CAMK1D: variants seen among roughly 807,000 people sequenced by gnomAD.
CAMK1D encodes calcium/calmodulin-dependent protein kinase type 1D.
CAMK1D carries 9 observed loss-of-function variants against 47.7 expected under a neutral mutation model. The observed-to-expected ratio is 0.19, with a 90% CI of 0.11 to 0.33. The LOEUF (loss-of-function observed/expected upper bound fraction) is 0.33. CAMK1D is among the 10% of genes least tolerant of loss of function. The pLI, the probability that CAMK1D is intolerant of heterozygous loss-of-function variation, is 1.00. For missense variants in CAMK1D, 291 were observed against 488.7 expected (o/e 0.60, Z 3.81); for synonymous variants, 184 against 184.9 (o/e 0.99, Z 0.04).
At chr10:12,655,709 C>G (rs1840098262) in intron 2 of CAMK1D, among the ~76,000 whole-genome samples, 1 of 152,228 alleles carries the variant, frequency 6.6e-6, no homozygotes, top group Non-Finnish European at 1.5e-5. Flanking sequence ...TCAGCTGGAC[C>G]TCTAGAGCCA....
At chr10:12,398,232 A>G (rs955957653) in intron 1 of CAMK1D, among the ~76,000 whole-genome samples, 8 of 152,088 alleles carry the variant, frequency 5.3e-5, no homozygotes, top group African/African-American at 1.9e-4. Flanking sequence ...GTCATATTCT[A>G]TTCTCATAGA....
chr10:12,387,362 A>ATG, intron 1 of CAMK1D, among the ~76,000 whole-genome samples: 1 of 87,264 alleles, frequency 1.1e-5, no homozygotes, highest in East Asian at 2.9e-4. Flanking sequence ...TTTTATATAT[A>ATG]TAATATATAT....
chr10:12,559,548 C>T (rs535843464), intron 2 of CAMK1D, among the ~76,000 whole-genome samples: 8 of 152,150 alleles, frequency 5.3e-5, no homozygotes, highest in East Asian at 1.9e-4. Flanking sequence ...CAGATGTGTC[C>T]GCAGGCAGAA....
At chr10:12,784,788 C>T (rs1197855375) in intron 5 of CAMK1D, among the ~76,000 whole-genome samples, 2 of 152,166 alleles carry the variant, frequency 1.3e-5, no homozygotes, top group East Asian at 3.8e-4. Context: ...GTAGCCCAGT[C>T]GTGTGGAATT....
chr10:12,582,595 G>A (rs1837694526), intron 2 of CAMK1D, among the ~76,000 whole-genome samples: 1 of 152,096 alleles, frequency 6.6e-6, no homozygotes, highest in Non-Finnish European at 1.5e-5. Context: ...TACCTCCTTG[G>A]TTAGGTATAT....
intron 2 of CAMK1D, among the ~76,000 whole-genome samples, chr10:12,645,501 A>G (rs1353905717): frequency 2.6e-5 from 4 of 152,198 alleles, no homozygotes; most frequent in Non-Finnish European, 5.9e-5. Flanking sequence ...TCAGTAAAAC[A>G]ACGAGATGAA....
chr10:12,574,274 T>C (rs1837420570), intron 2 of CAMK1D, among the ~76,000 whole-genome samples: 1 of 151,556 alleles, frequency 6.6e-6, no homozygotes, highest in African/African-American at 2.4e-5. Flanking sequence ...TTTGCCTCCC[T>C]CCTTCCCTAG....
intron 1 of CAMK1D, among the ~76,000 whole-genome samples, chr10:12,542,362 C>T (rs1836224378): frequency 6.6e-6 from 1 of 152,212 alleles, no homozygotes; most frequent in African/African-American, 2.4e-5. Context: ...AAGTTAATAA[C>T]ACCATCAGTC....
At chr10:12,535,921 C>T (rs574783085) in intron 1 of CAMK1D, among the ~76,000 whole-genome samples, 2 of 152,198 alleles carry the variant, frequency 1.3e-5, no homozygotes, top group Non-Finnish European at 2.9e-5. Flanking sequence ...AGGACACAGG[C>T]TCAGAGGGGA....
chr10:12,787,132 AAAG>A (rs61193558), intron 5 of CAMK1D, among the ~76,000 whole-genome samples: 74,577 of 150,804 alleles, frequency 0.49, 18,859 homozygotes, highest in Non-Finnish European at 0.52. Flanking sequence ...CAAAGAAAAA[AAAG>A]AAGAAGAAGA....
chr10:12,421,089 A>G (rs1840033738), intron 1 of CAMK1D, among the ~76,000 whole-genome samples: 1 of 152,176 alleles, frequency 6.6e-6, no homozygotes, highest in African/African-American at 2.4e-5. Context: ...GACAGGCTGA[A>G]TGGCGTGGTG....
At position 12,417,068 on chromosome 10, in the gene CAMK1D, T is replaced by C. The variant is rs891114543; in HGVS notation, c.92+67158T>C. Among the ~76,000 whole-genome samples, 8 of 152,176 alleles carry C rather than the reference T, an allele frequency of 5.3e-5. No individual in the cohort carries two copies. In the East Asian group the frequency reaches 1.5e-3, roughly 29 times the overall value. On this transcript the variant is annotated intron_variant, in intron 1 of 10. Transcript: ENST00000619168. ...TCAAGCCCCCGAAGCCTCTCTGTCC[T>C]CATCTGTAAAATGGGGACAGTGGCA...
Position 12,665,089 on chromosome 10 carries a change from T to A in CAMK1D, c.225-1647T>A, listed in dbSNP as rs545735069. On this transcript the variant is annotated intron_variant, in intron 2 of 10. Transcript: ENST00000619168. ...GTTTCCTTGGTGGCATAGTTTATTT[T>A]CATATGCTGTATGGCTGGTAGTATC... 3.3e-5 allele frequency among the ~76,000 whole-genome samples: 5 copies of A among 152,334 alleles called. No individual in the cohort carries two copies. In the East Asian group the frequency reaches 9.6e-4, roughly 29 times the overall value.
chr10:12,588,883 TGC>T (rs1554793276), intron 2 of CAMK1D, among the ~76,000 whole-genome samples: 3,939 of 136,168 alleles, frequency 0.029, 45 homozygotes, highest in African/African-American at 0.036. Context: ...TGTGTGTGTG[TGC>T]GTGCGTGTGT....
chr10:12,365,384 C>G (rs528543531), intron 1 of CAMK1D, among the ~76,000 whole-genome samples: 14 of 152,204 alleles, frequency 9.2e-5, no homozygotes, highest in African/African-American at 3.4e-4. Flanking sequence ...TAGTAAAGAC[C>G]TCACATTAAT....
chr10:12,368,294 C>T (rs573538506), intron 1 of CAMK1D, among the ~76,000 whole-genome samples: 27 of 151,318 alleles, frequency 1.8e-4, no homozygotes, highest in African/African-American at 6.5e-4. Flanking sequence ...GCAGGAGGTT[C>T]ACTTGAGGTC....
intron 3 of CAMK1D, among the ~76,000 whole-genome samples, chr10:12,668,130 G>T (rs1212406045): frequency 6.6e-6 from 1 of 152,150 alleles, no homozygotes; most frequent in Middle Eastern, 3.4e-3. Context: ...CGTATTTCTG[G>T]TTTTTCCTAG....
intron 3 of CAMK1D, among the ~76,000 whole-genome samples, chr10:12,668,366 T>C (rs1429950734): frequency 1.3e-5 from 2 of 152,202 alleles, no homozygotes; most frequent in East Asian, 3.8e-4. Context: ...CTACTAATCC[T>C]CAATCTAAAG....
At chr10:12,763,602 G>A (rs1342434088) in intron 4 of CAMK1D, among the ~76,000 whole-genome samples, 1 of 152,166 alleles carries the variant, frequency 6.6e-6, no homozygotes, top group Admixed American at 6.5e-5. Context: ...CCATGGATAC[G>A]AGTACTACGT....
Sources: gnomAD v4.1 joint callset for allele counts (sites outside exome capture counted in the v4.1 genomes callset) on GRCh38, gnomAD v4.1.1 for gene constraint, MANE v1.5 for transcripts, NCBI Gene and HGNC (gene_info 2026-07-23, HGNC 2026-07-21) for gene names.